HMCN2: variants seen among roughly 807,000 people sequenced by gnomAD.
HMCN2 encodes the protein hemicentin 2, also known as hemicentin-2.
In HMCN2, 325 loss-of-function variants were observed where a neutral mutation model predicts 377.5. That is an observed-to-expected ratio of 0.86 (90% CI 0.79 to 0.94). HMCN2 has a LOEUF of 0.94. HMCN2 is among the 40% of genes least tolerant of loss of function. The pLI, the probability that HMCN2 is intolerant of heterozygous loss-of-function variation, is 0.00. For missense variants in HMCN2, 4,543 were observed against 4,725.3 expected, an observed-to-expected ratio of 0.96 and a Z score of 1.13; for synonymous variants, 2,007 against 2,046.8, an observed-to-expected ratio of 0.98 and a Z score of 0.53.
At chr9:130,276,673 C>T (rs1415317319) in intron 1 of HMCN2, among the ~76,000 whole-genome samples, 2 of 152,184 alleles carry the variant, frequency 1.3e-5, no homozygotes, top group African/African-American at 4.8e-5. Flanking sequence ...AACCACCCAC[C>T]CAGTTGGCTC....
chr9:130,374,764 C>A, intron 49 of HMCN2, 71 bp downstream of exon 49: 1 of 765,550 alleles, frequency 1.3e-6, no homozygotes, highest in Non-Finnish European at 1.6e-6. Flanking sequence ...TGGCTCCTTA[C>A]AGACAACTTC....
chr9:130,278,510 A>G (rs1554924365), intron 1 of HMCN2, among the ~76,000 whole-genome samples: 1 of 152,192 alleles, frequency 6.6e-6, no homozygotes, highest in Non-Finnish European at 1.5e-5. Flanking sequence ...ACATTGTACA[A>G]GGTTGAAAAG....
At chr9:130,400,222 CT>C (rs1842799728) in intron 76 of HMCN2, 1 of 152,770 alleles carries the variant, frequency 6.5e-6, no homozygotes, top group African/African-American at 2.4e-5. Flanking sequence ...GAGTAACCCC[CT>C]GTGAAGTTAC....
rs1439146433 is a variant in HMCN2, at chr9:130,369,749, C to G, written c.6967C>G (p.Leu2323Val). The change falls in exon 45 of 98, where the codon CTG (leucine) becomes GTG (valine). Residue 2323 changes from leucine to valine, a missense_variant. Physicochemically the swap from Leu to Val is conservative, Grantham distance 32 (BLOSUM62 1). This residue lies in a region of HMCN2 where 1,032 missense variants were observed against 1,285.1 expected (regional missense o/e 0.80). Transcript: ENST00000683500. This position sits in a 1 kb window ranked among gnomAD's most constrained non-coding sequence, Gnocchi z 4.5. ...GCAGCTGCAGAACCAGGGTCAGAGCCTGCATGTGGAGCGGGCCCAGGCTGC... is the reference window on the plus strand; with the variant it reads ...GCAGCTGCAGAACCAGGGTCAGAGCGTGCATGTGGAGCGGGCCCAGGCTGC... ...GLQLQNQGQS[L>V]HVERAQAAHT... is the part of the protein sequence containing the mutation. 3.0e-6 allele frequency: 3 copies of G among 985,942 alleles called. No homozygotes were observed. Among genetic ancestry groups the G allele is most frequent in the Non-Finnish European group, 3.6e-6 (3 of 830,004 alleles). The allele number at this position is 985,942 out of a possible 1,614,324, so 61.1% of individuals were successfully genotyped here. A position where few individuals can be genotyped will look rare whatever the true frequency, so the allele number is the denominator to read the frequency against.
Position 130,427,625 on chromosome 9 carries a change from G to A in HMCN2, c.14065+6G>A, listed in dbSNP as rs1175963254. 1.9e-6 allele frequency: 3 copies of A among 1,548,238 alleles called. No individual in the cohort carries two copies. The highest frequency in any genetic ancestry group is 2.0e-5 in the Admixed American group (1 of 50,848). On this transcript the variant is annotated splice_donor_region_variant and intron_variant, in intron 92 of 97. Transcript: ENST00000683500. ...GGATGACAGGAACTGCAGAGGTGAG[G>A]GAGCTGCCGGGAGGAGGGAGGAGAC...
Position 130,428,330 on chromosome 9 carries a change from A to G in HMCN2, c.14066-28A>G. ...AGGCACGCCTGGGGATCATGTTCAC[A>G]CAGCCGTCTGCCCTGATCTGCCCCC... On this transcript the variant is annotated intron_variant, in intron 92 of 97. Transcript: ENST00000683500. The surrounding 1 kb of genome is among the most constrained non-coding windows in gnomAD (Gnocchi z 5.0). The G allele has an allele frequency of 6.6e-7, 1 of 1,509,870 alleles. No individual in the cohort carries two copies. The highest frequency in any genetic ancestry group is 8.9e-7 in the Non-Finnish European group (1 of 1,122,784). The allele number at this position is 1,509,870 out of a possible 1,614,324, so 93.5% of individuals were successfully genotyped here. A position where few individuals can be genotyped will look rare whatever the true frequency, so the allele number is the denominator to read the frequency against.
rs970367441 is a variant in HMCN2 at position 130,400,888 on chromosome 9, G to A, written c.11711G>A (p.Trp3904Ter). The A allele has an allele frequency of 3.2e-5, 41 of 1,289,398 alleles. No homozygotes were observed. Among genetic ancestry groups the A allele is most frequent in the Non-Finnish European group, 4.0e-5 (40 of 988,726 alleles). The allele number at this position is 1,289,398 out of a possible 1,614,324, so 79.9% of individuals were successfully genotyped here. A position where few individuals can be genotyped will look rare whatever the true frequency, so the allele number is the denominator to read the frequency against. Residue 3904 changes from tryptophan (W) to a stop codon, truncating the protein, a stop_gained, in exon 77 of 98, where the codon TGG (tryptophan) becomes TAG (stop). Coordinates refer to ENST00000683500, the MANE Select transcript of HMCN2 (RefSeq NM_001291815.2). LOFTEE classifies it high-confidence loss of function. ...GGTATACCAGCTCCGACCGTGTCCTGGAGCAAGGCAGGCGCCCAGCTAGGA... is the reference window on the plus strand; with the variant it reads ...GGTATACCAGCTCCGACCGTGTCCTAGAGCAAGGCAGGCGCCCAGCTAGGA... ...STGIPAPTVS[W>*]SKAGAQLGAR...
In HMCN2 at chr9:130,271,223, A is replaced by G. The variant is rs183652729; in HGVS notation, c.259+5086A>G. On this transcript the variant is annotated intron_variant, in intron 1 of 97. Coordinates refer to ENST00000683500, the MANE Select transcript of HMCN2 (RefSeq NM_001291815.2). ...AGTATTTTTCAGATTTCTCCACTAT[A>G]GAGTTACTCTTTTTCCCCTCTCTCT... Among the ~76,000 whole-genome samples the G allele has an allele frequency of 5.2e-4, 77 of 148,968 alleles. 4 individuals are homozygous for G. Among genetic ancestry groups the G allele is most frequent in the African/African-American group, 1.6e-3 (65 of 41,310 alleles).
At position 130,394,350 on chromosome 9, in the gene HMCN2, G is replaced by A; in HGVS notation, c.10502-35G>A. On this transcript the variant is annotated intron_variant, in intron 68 of 97. Coordinates refer to ENST00000683500, the MANE Select transcript of HMCN2 (RefSeq NM_001291815.2). This position sits in a 1 kb window ranked among gnomAD's most constrained non-coding sequence, Gnocchi z 5.1. ...GTGCGGTGCTGTCCCGGAAATGTGT[G>A]TCAATTGTGTGTTCCCCTCCATGGT... 1 of 1,255,576 alleles carries A rather than the reference G, an allele frequency of 8.0e-7. No homozygotes were observed. Among genetic ancestry groups the A allele is most frequent in the Non-Finnish European group, 1.0e-6 (1 of 959,236 alleles). 77.8% of individuals were successfully genotyped at this position (1,255,576 alleles called of 1,614,324 possible). A position where few individuals can be genotyped will look rare whatever the true frequency, so the allele number is the denominator to read the frequency against.
Position 130,429,660 on chromosome 9 carries a change from G to T in HMCN2, c.14301G>T (p.Met4767Ile). ...GCAGCTGCCCCAGGGGTTACCGGAT[G>T]CAGGGCCCCAGCCTGCCCTGCCTAG... ...HRCSCPRGYR[M>I]QGPSLPCLDV... The change falls in exon 94 of 98, where the codon ATG becomes ATT. Residue 4767 changes from methionine to isoleucine, a missense_variant. Physicochemically the swap from Met to Ile is conservative, Grantham distance 10. This residue lies in a region of HMCN2 where 1,155 missense variants were observed against 1,157.7 expected (regional missense o/e 1.00). Coordinates refer to ENST00000683500, the MANE Select transcript of HMCN2 (RefSeq NM_001291815.2). 1 of 1,543,124 alleles carries T rather than the reference G, an allele frequency of 6.5e-7. No individual in the cohort carries two copies. The highest frequency in any genetic ancestry group is 8.8e-7 in the Non-Finnish European group (1 of 1,142,760).
chr9:130,385,731 G>T lies in HMCN2; in HGVS notation c.9278G>T (p.Gly3093Val), dbSNP rs1223765721. Residue 3093 changes from glycine to valine, a missense_variant, in exon 60 of 98, where the codon GGT (glycine) becomes GTT (valine). Physicochemically the swap from Gly to Val is moderately radical, Grantham distance 109. This residue lies in a region of HMCN2 where 736 missense variants were observed against 773.2 expected (regional missense o/e 0.95). Coordinates refer to ENST00000683500, the MANE Select transcript of HMCN2 (RefSeq NM_001291815.2). ...GCACAGCGGACCCAGGCTCTGCGGGGTGGGCAGAGGCTGGAGATCCAGGAA... is the reference window on the plus strand; with the variant it reads ...GCACAGCGGACCCAGGCTCTGCGGGTTGGGCAGAGGCTGGAGATCCAGGAA... The part of the protein sequence containing the change: ...VLAQRTQALR[G>V]GQRLEIQEAQ... The T allele has an allele frequency of 7.7e-7, 1 of 1,304,102 alleles. No homozygotes were observed. The highest frequency in any genetic ancestry group is 1.0e-6 in the Non-Finnish European group (1 of 988,906). The allele number at this position is 1,304,102 out of a possible 1,614,324, so 80.8% of individuals were successfully genotyped here.
intron 22 of HMCN2, among the ~76,000 whole-genome samples, chr9:130,328,741 G>A (rs1838275222): frequency 6.6e-6 from 1 of 152,190 alleles, no homozygotes; most frequent in South Asian, 2.1e-4. Flanking sequence ...GCAACCTCGG[G>A]TGGCCACTGG....
chr9:130,306,851 G>C lies in HMCN2; in HGVS notation c.1999G>C (p.Val667Leu), dbSNP rs1198593774. 2.1e-6 allele frequency: 1 copy of C among 471,022 alleles called. No homozygotes were observed. Among genetic ancestry groups the C allele is most frequent in the Admixed American group, 2.3e-5 (1 of 42,572 alleles). 29.2% of individuals were successfully genotyped at this position (471,022 alleles called of 1,614,324 possible). A position where few individuals can be genotyped will look rare whatever the true frequency, so the allele number is the denominator to read the frequency against. ...DAQGTLIIQG[V>L]APEDAGNYSC... ...ACAGGGAACCCTGATTATTCAGGGG[G>C]TAGCCCCAGAGGATGCTGGGAATTA... The change falls in exon 13 of 98, where the codon GTA (valine) becomes CTA (leucine). Residue 667 changes from valine to leucine, a missense_variant. By Grantham distance (32) the Val-to-Leu change is conservative. Transcript: ENST00000683500.
intron 87 of HMCN2, among the ~76,000 whole-genome samples, chr9:130,424,355 T>A (rs892067987): frequency 1.3e-5 from 2 of 150,368 alleles, no homozygotes; most frequent in Admixed American, 6.6e-5. Context: ...ATTTTTTTTT[T>A]TTTTGTATTT....
rs149287128 is a variant in HMCN2 at position 130,356,565 on chromosome 9, G to A, written c.5425+308G>A. Among the ~76,000 whole-genome samples the A allele has an allele frequency of 3.0e-4, 45 of 152,262 alleles. 2 individuals are homozygous for A. The highest frequency in any genetic ancestry group is 9.9e-4 in the African/African-American group (41 of 41,530). ...CCCTCTTTCTCTTGTCTTCGTCTAC[G>A]TTTGCTGTTCCTTCTGCCCAGAACT... On this transcript the variant is annotated intron_variant, in intron 34 of 97. Transcript: ENST00000683500.
At position 130,433,489 on chromosome 9, in the gene HMCN2, C is replaced by A. The variant is rs756327593; in HGVS notation, c.15036C>A (p.Pro5012=). 2.7e-5 allele frequency: 41 copies of A among 1,499,746 alleles called. No individual in the cohort carries two copies. Among genetic ancestry groups the A allele is most frequent in the African/African-American group, 2.9e-5 (2 of 68,698 alleles). The allele number at this position is 1,499,746 out of a possible 1,614,324, so 92.9% of individuals were successfully genotyped here. ...RLTAFSEVGV[P]ANRTELSMLE... ...CCGCCTTCTCCGAGGTCGGCGTCCC[C>A]GCCAACCGCACCGAGCTCAGCATGC... Residue 5012 remains proline, a synonymous_variant, in exon 98 of 98, where the codon CCC becomes CCA. Transcript: ENST00000683500.
At chr9:130,332,362 G>C (rs936914881) in intron 22 of HMCN2, among the ~76,000 whole-genome samples, 1 of 152,220 alleles carries the variant, frequency 6.6e-6, no homozygotes, top group Non-Finnish European at 1.5e-5. Flanking sequence ...CTCAGTGGCC[G>C]TGGACACCAG....
chr9:130,266,792 G>C (rs548474508), intron 1 of HMCN2, among the ~76,000 whole-genome samples: 2 of 152,184 alleles, frequency 1.3e-5, no homozygotes, highest in Non-Finnish European at 2.9e-5. Flanking sequence ...CCTGCACGCT[G>C]CACCTCTGCT....
intron 77 of HMCN2, among the ~76,000 whole-genome samples, chr9:130,402,474 G>T: frequency 6.6e-6 from 1 of 152,220 alleles, no homozygotes; most frequent in East Asian, 1.9e-4. Flanking sequence ...GGGATTACAG[G>T]CAGGGGAGTG....
Sources: gnomAD v4.1 joint callset for allele counts (sites outside exome capture counted in the v4.1 genomes callset) on GRCh38, gnomAD v4.1.1 for gene constraint, gnomAD v4.1.1 regional missense constraint, Gnocchi (gnomAD v3.1) non-coding constraint, MANE v1.5 for transcripts, NCBI Gene and HGNC (gene_info 2026-07-23, HGNC 2026-07-21) for gene names.